Variants in POGZ observed in about 807,000 individuals in gnomAD.
POGZ encodes the protein pogo transposable element derived with ZNF domain.
POGZ carries 17 observed loss-of-function variants against 134.6 expected under a neutral mutation model. That is an observed-to-expected ratio of 0.13 (90% CI 0.09 to 0.19). The LOEUF (loss-of-function observed/expected upper bound fraction) is 0.19. Ranked by LOEUF, POGZ falls within the 10% of genes least tolerant of loss-of-function variation. POGZ has a pLI of 1.00. For missense variants in POGZ, 1,306 were observed against 1,769.7 expected, an observed-to-expected ratio of 0.74 and a Z score of 4.70; for synonymous variants, 693 against 657.1, an observed-to-expected ratio of 1.05 and a Z score of -0.84.
At chr1:151,453,397 C>A (rs982946192) in intron 1 of POGZ, among the ~76,000 whole-genome samples, 5 of 151,806 alleles carry the variant, frequency 3.3e-5, no homozygotes, top group Non-Finnish European at 7.4e-5. Context: ...TTGATTTATT[C>A]CCAGGACCAA....
intron 1 of POGZ, among the ~76,000 whole-genome samples, chr1:151,450,523 T>C (rs559413865): frequency 3.3e-5 from 5 of 152,212 alleles, no homozygotes; most frequent in Admixed American, 3.3e-4. Flanking sequence ...TGGTTAATTT[T>C]TGTATTTTCT....
Position 151,411,862 on chromosome 1 carries a change from T to TA in POGZ, c.1780-92dup, listed in dbSNP as rs748256178. 26,091 of 972,184 alleles carry TA rather than the reference T, an allele frequency of 0.027. 70 individuals carry two copies. Among genetic ancestry groups the TA allele is most frequent in the Non-Finnish European group, 0.029 (20,779 of 717,374 alleles). The allele number at this position is 972,184 out of a possible 1,614,324, so 60.2% of individuals were successfully genotyped here. ...AAGGTAGCAACAAAAATTTTTAAATTAAAAAAAAAAAGTTTTCTCAAATGC... is the reference window on the plus strand; with the variant it reads ...AAGGTAGCAACAAAAATTTTTAAATTAAAAAAAAAAAAGTTTTCTCAAATGC... On this transcript the variant is annotated intron_variant, in intron 11 of 18. Coordinates refer to ENST00000271715, the MANE Select transcript of POGZ (RefSeq NM_015100.4).
chr1:151,458,828 G>A (rs1447785457), intron 1 of POGZ, among the ~76,000 whole-genome samples: 1 of 145,446 alleles, frequency 6.9e-6, no homozygotes, highest in South Asian at 2.1e-4. Context: ...CGCGCGCCGC[G>A]GCGGGCGCCG....
Position 151,427,845 on chromosome 1 carries a change from G to A in POGZ, c.1056C>T (p.Ser352=), listed in dbSNP as rs769481821. The A allele has an allele frequency of 1.4e-5, 22 of 1,612,512 alleles. 1 individual carries two copies. The South Asian group carries it at 1.8e-4, about 13-fold the overall frequency. Residue 352 remains serine (S), a synonymous_variant, in exon 7 of 19, where the codon AGC becomes AGT. Transcript: ENST00000271715. ...TACCTTTCATTGAAGACTCAGGTCC[G>A]CTGGTTCTTTGAGAGCCATGAGCAG... ...NSSAHGSQRT[S]GPESSMKVTS...
chr1:151,405,610 C>G lies in POGZ; in HGVS notation c.3425G>C (p.Arg1142Pro). The change falls in exon 19 of 19, where the codon CGA becomes CCA. Residue 1142 changes from arginine to proline, a missense_variant. Physicochemically the swap from Arg to Pro is moderately radical, Grantham distance 103. This residue lies in a region of POGZ where 161 missense variants were observed against 185.4 expected (regional missense o/e 0.87). Transcript: ENST00000271715. This position sits in a 1 kb window ranked among gnomAD's most constrained non-coding sequence, Gnocchi z 4.9. The part of the protein sequence containing the change: ...LDTEVLSSDD[R>P]KENALQTVGT... ...CACTGTCTGCAGGGCATTCTCCTTT[C>G]GATCATCACTGCTCAGCACCTCTGT... 6.2e-7 allele frequency: 1 copy of G among 1,614,156 alleles called. No homozygotes were observed. The highest frequency in any genetic ancestry group is 1.7e-5 in the Admixed American group (1 of 60,024).
At chr1:151,455,691 G>A (rs113966794) in intron 1 of POGZ, among the ~76,000 whole-genome samples, 153 of 152,170 alleles carry the variant, frequency 1.0e-3, no homozygotes, top group African/African-American at 3.5e-3. Flanking sequence ...ACGTTGTTTT[G>A]CATTTTGCAA....
chr1:151,415,337 G>A (rs1418807862), intron 10 of POGZ, among the ~76,000 whole-genome samples: 2 of 152,104 alleles, frequency 1.3e-5, no homozygotes, highest in Non-Finnish European at 1.5e-5. Flanking sequence ...TCAGGAAGTG[G>A]AGGTAACAAT....
Position 151,458,622 on chromosome 1 carries a change from G to A in POGZ, c.-2+530C>T, listed in dbSNP as rs1010018383. 1.1e-3 allele frequency among the ~76,000 whole-genome samples: 151 copies of A among 134,220 alleles called. 5 individuals are homozygous for A. In the East Asian group the frequency reaches 0.031, roughly 27 times the overall value. The allele number at this position is 134,220 out of a possible 152,430, so 88.1% of individuals were successfully genotyped here. The stretch of plus-strand genomic sequence containing the variant: ...CCGCTCCGCCGCCGCCCGCCCCTCC[G>A]CCGCACGGCCTCGCCCCCTCGCCGG... On this transcript the variant is annotated intron_variant, in intron 1 of 18. Transcript: ENST00000271715.
Position 151,412,258 on chromosome 1 carries a change from G to A in POGZ, c.1779+38C>T, listed in dbSNP as rs184678605. On this transcript the variant is annotated intron_variant, in intron 11 of 18. Coordinates refer to ENST00000271715, the MANE Select transcript of POGZ (RefSeq NM_015100.4). ...TAAATTCTTTGTATTCTTCCTGAGG[G>A]CAAAACTGCTAAAACTCCCTGGAGA... The A allele has an allele frequency of 7.4e-3, 8,459 of 1,142,330 alleles. 54 individuals are homozygous for A. The highest frequency in any genetic ancestry group is 8.9e-3 in the Non-Finnish European group (6,784 of 761,332). 70.8% of individuals were successfully genotyped at this position (1,142,330 alleles called of 1,614,324 possible).
At chr1:151,453,429 T>C (rs1005453117) in intron 1 of POGZ, among the ~76,000 whole-genome samples, 2 of 151,754 alleles carry the variant, frequency 1.3e-5, no homozygotes, top group Admixed American at 6.7e-5. Flanking sequence ...CTTGTATATA[T>C]ACATTTCTCT....
intron 3 of POGZ, among the ~76,000 whole-genome samples, chr1:151,434,729 C>T (rs536415329): frequency 5.3e-5 from 8 of 151,878 alleles, no homozygotes; most frequent in African/African-American, 1.7e-4. Flanking sequence ...ACTACAGGCA[C>T]ATGCCACCAT....
At chr1:151,447,111 C>T (rs965260684) in intron 1 of POGZ, among the ~76,000 whole-genome samples, 11 of 151,976 alleles carry the variant, frequency 7.2e-5, no homozygotes, top group Non-Finnish European at 1.0e-4. Flanking sequence ...TATGGCTGGG[C>T]GCGGTGGCTC....
At chr1:151,437,204 CAAA>C (rs35014457) in intron 3 of POGZ, among the ~76,000 whole-genome samples, 1 of 122,000 alleles carries the variant, frequency 8.2e-6, no homozygotes. Flanking sequence ...GACTCCGTCT[CAAA>C]AAAAAAAAAA....
At chr1:151,416,971 TATA>T (rs1655840606) in intron 10 of POGZ, among the ~76,000 whole-genome samples, 1 of 152,112 alleles carries the variant, frequency 6.6e-6, no homozygotes, top group Non-Finnish European at 1.5e-5. Flanking sequence ...CACAATTAAA[TATA>T]ATGATCCACT....
intron 1 of POGZ, among the ~76,000 whole-genome samples, chr1:151,458,290 C>T (rs1468416936): frequency 2.0e-5 from 3 of 151,790 alleles, no homozygotes; most frequent in Non-Finnish European, 4.4e-5. Flanking sequence ...AAAATAGTCC[C>T]CGGGATAAAC....
Position 151,404,266 on chromosome 1 carries a change from AAG to A in POGZ, c.*534_*535del, listed in dbSNP as rs1653186062. On this transcript the variant is annotated 3_prime_UTR_variant, in exon 19 of 19. Transcript: ENST00000271715. The stretch of plus-strand genomic sequence containing the variant: ...AAAAGTGTTAAGACCACAATGAAAA[AAG>A]TTTTTTATCCATATATATAATAAAC... 1.0e-6 allele frequency: 1 copy of A among 983,458 alleles called. No individual in the cohort carries two copies. Among genetic ancestry groups the A allele is most frequent in the African/African-American group, 1.7e-5 (1 of 57,242 alleles). 60.9% of individuals were successfully genotyped at this position (983,458 alleles called of 1,614,324 possible).
Position 151,405,043 on chromosome 1 carries a change from C to T in POGZ, c.3992G>A (p.Gly1331Asp), listed in dbSNP as rs1653323854. The T allele has an allele frequency of 1.4e-5, 23 of 1,614,170 alleles. No homozygotes were observed. The highest frequency in any genetic ancestry group is 1.9e-5 in the Non-Finnish European group (23 of 1,180,028). ...RSFLVASVLP[G>D]PDGNINSPTR... ...AGGTGAGTTAATGTTGCCATCGGGG[C>T]CAGGCAGAACACTAGCCACCAGGAA... Residue 1331 changes from glycine to aspartate, a missense_variant, in exon 19 of 19, where the codon GGC becomes GAC. Gly to Asp is a moderately conservative substitution (Grantham distance 94). Transcript: ENST00000271715. This position sits in a 1 kb window ranked among gnomAD's most constrained non-coding sequence, Gnocchi z 4.9.
intron 1 of POGZ, among the ~76,000 whole-genome samples, chr1:151,446,147 A>G (rs973994564): frequency 1.4e-5 from 2 of 138,604 alleles, no homozygotes; most frequent in African/African-American, 5.4e-5. Flanking sequence ...CAGTGTTAAC[A>G]TGTATATCCA....
chr1:151,406,254 T>A lies in POGZ; in HGVS notation c.2781A>T (p.Leu927Phe). The change falls in exon 19 of 19, where the codon TTA becomes TTT. Residue 927 changes from leucine (L) to phenylalanine (F), a missense_variant. Physicochemically the swap from Leu to Phe is conservative, Grantham distance 22. Transcript: ENST00000271715. ...CCTCTGTAGCCAGCGGTGGAAGGGC[T>A]AAAGCCTGCGGGTGAGTGGGGGTTG... ...PPPTPTHPQALALPPLATEGA... is the reference protein window; with the variant it reads ...PPPTPTHPQAFALPPLATEGA... The A allele has an allele frequency of 6.2e-7, 1 of 1,613,900 alleles. No homozygotes were observed. The highest frequency in any genetic ancestry group is 1.6e-4 in the Middle Eastern group (1 of 6,062).
Sources: gnomAD v4.1 joint callset for allele counts (sites outside exome capture counted in the v4.1 genomes callset) on GRCh38, gnomAD v4.1.1 for gene constraint, gnomAD v4.1.1 regional missense constraint, Gnocchi (gnomAD v3.1) non-coding constraint, MANE v1.5 for transcripts, NCBI Gene and HGNC (gene_info 2026-07-23, HGNC 2026-07-21) for gene names.